The following VPS13B variants were observed in gnomAD, a reference collection of about 807,000 sequenced individuals.
VPS13B encodes the protein vacuolar protein sorting 13 homolog B.
In VPS13B, 285 loss-of-function variants were observed where a neutral mutation model predicts 426.4. That is an observed-to-expected ratio of 0.67 (90% CI 0.61 to 0.74). VPS13B has a LOEUF of 0.74. VPS13B is among the 30% of genes least tolerant of loss of function. The probability of loss-of-function intolerance (pLI) is 0.00; values close to 1 mark genes in which losing one functional copy is unlikely to be tolerated. For synonymous variants in VPS13B, 1,676 were observed against 1,676.4 expected, an observed-to-expected ratio of 1.00 and a Z score of 0.01; for missense variants, 4,537 against 4,782.6, an observed-to-expected ratio of 0.95 and a Z score of 1.51.
intron 19 of VPS13B, among the ~76,000 whole-genome samples, chr8:99,336,964 A>C (rs1030538809): frequency 1.6e-4 from 25 of 152,228 alleles, no homozygotes; most frequent in African/African-American, 5.8e-4. Context: ...GCGATTCCTC[A>C]GGGATCTAGA....
chr8:99,375,786 T>C (rs1414869813), intron 19 of VPS13B, among the ~76,000 whole-genome samples: 3 of 152,242 alleles, frequency 2.0e-5, no homozygotes, highest in Non-Finnish European at 4.4e-5. Context: ...ATTTCTTTAC[T>C]ATAGCTGCTT....
intron 33 of VPS13B, among the ~76,000 whole-genome samples, chr8:99,586,651 C>T (rs1032838121): frequency 6.6e-6 from 1 of 152,048 alleles, no homozygotes; most frequent in Non-Finnish European, 1.5e-5. Context: ...AACCCTAAAA[C>T]ACAGAGCAAT....
intron 19 of VPS13B, among the ~76,000 whole-genome samples, chr8:99,331,626 A>G (rs2133156012): frequency 6.6e-6 from 1 of 151,948 alleles, no homozygotes; most frequent in Non-Finnish European, 1.5e-5. Context: ...TGTTAACAAC[A>G]TATGAAATAT....
At chr8:99,522,911 G>T (rs1350300419) in intron 30 of VPS13B, among the ~76,000 whole-genome samples, 1 of 152,166 alleles carries the variant, frequency 6.6e-6, no homozygotes, top group Admixed American at 6.5e-5. Flanking sequence ...TTGAGTGAAT[G>T]ATCAGAGTGG....
At chr8:99,131,699 A>G (rs1185128761) in intron 8 of VPS13B, among the ~76,000 whole-genome samples, 1 of 152,234 alleles carries the variant, frequency 6.6e-6, no homozygotes, top group Non-Finnish European at 1.5e-5. Context: ...TCAGCAAGTC[A>G]TAACTTTTTG....
chr8:99,337,607 C>G (rs1389430653), intron 19 of VPS13B, among the ~76,000 whole-genome samples: 1 of 150,922 alleles, frequency 6.6e-6, no homozygotes, highest in Non-Finnish European at 1.5e-5. Context: ...GTAAGAGTTC[C>G]TTATATATTC....
At chr8:99,242,967 T>C (rs1345289802) in intron 17 of VPS13B, among the ~76,000 whole-genome samples, 2 of 152,224 alleles carry the variant, frequency 1.3e-5, no homozygotes, top group African/African-American at 4.8e-5. Flanking sequence ...TTTACTGTAA[T>C]TAAATTTCAG....
intron 36 of VPS13B, among the ~76,000 whole-genome samples, chr8:99,702,232 A>G (rs1053523982): frequency 1.3e-5 from 2 of 152,160 alleles, no homozygotes; most frequent in African/African-American, 4.8e-5. Context: ...TTCAACTGAA[A>G]TTTTTTATAC....
chr8:99,742,220 T>C (rs1218816366), intron 39 of VPS13B, among the ~76,000 whole-genome samples: 1 of 151,794 alleles, frequency 6.6e-6, no homozygotes, highest in African/African-American at 2.4e-5. Context: ...AACTAGAAAA[T>C]CTAGAAGAAA....
At position 99,259,788 on chromosome 8, in the gene VPS13B, A is replaced by T. The variant is rs376890717; in HGVS notation, c.2516-14410A>T. Among the ~76,000 whole-genome samples, 11 of 152,142 alleles carry T rather than the reference A, an allele frequency of 7.2e-5. No homozygotes were observed. The East Asian group carries it at 1.7e-3, about 24-fold the overall frequency. On this transcript the variant is annotated intron_variant, in intron 17 of 61. Transcript: ENST00000357162. ...AGTACAAGTATTTGCTGTGGCACAT[A>T]CCCTTACCTCTGGCAATGTATGTGA...
chr8:99,322,743 T>C (rs912169434), intron 19 of VPS13B, among the ~76,000 whole-genome samples: 1 of 152,218 alleles, frequency 6.6e-6, no homozygotes, highest in African/African-American at 2.4e-5. Context: ...GTTTTGTATC[T>C]GCATTTGTAA....
chr8:99,364,463 C>T (rs2133244858), intron 19 of VPS13B, among the ~76,000 whole-genome samples: 1 of 152,190 alleles, frequency 6.6e-6, no homozygotes, highest in African/African-American at 2.4e-5. Flanking sequence ...GACAAGGTCT[C>T]ACTCTGTCAC....
Position 99,720,323 on chromosome 8 carries a change from G to T in VPS13B, c.6658-22G>T, listed in dbSNP as rs1833084787. On this transcript the variant is annotated intron_variant, in intron 37 of 61. Coordinates refer to ENST00000357162, the MANE Select transcript of VPS13B (RefSeq NM_152564.5). ...AAATGTTTGTATTTAAAAGCTACTAGAATTTTTTTATGATTTTAAAGGTCT... is the reference window on the plus strand; with the variant it reads ...AAATGTTTGTATTTAAAAGCTACTATAATTTTTTTATGATTTTAAAGGTCT... 5 of 1,599,786 alleles carry T rather than the reference G, an allele frequency of 3.1e-6. No homozygotes were observed. The African/African-American group carries it at 5.4e-5, about 17-fold the overall frequency.
intron 3 of VPS13B, among the ~76,000 whole-genome samples, chr8:99,064,394 A>C (rs189568519): frequency 7.2e-5 from 11 of 152,342 alleles, no homozygotes; most frequent in South Asian, 6.2e-4. Flanking sequence ...TAGAATAAAC[A>C]GTATAGAGAA....
At chr8:99,125,148 A>G (rs1026885159) in intron 8 of VPS13B, among the ~76,000 whole-genome samples, 1 of 152,190 alleles carries the variant, frequency 6.6e-6, no homozygotes, top group African/African-American at 2.4e-5. Flanking sequence ...TAAGCCAGTG[A>G]TGGATCAGTC....
intron 17 of VPS13B, among the ~76,000 whole-genome samples, chr8:99,252,808 T>G (rs1261908651): frequency 6.6e-6 from 1 of 152,088 alleles, no homozygotes; most frequent in Non-Finnish European, 1.5e-5. Flanking sequence ...AATAACCAGT[T>G]TTTTTAAAAA....
chr8:99,725,861 GC>G (rs1291628653), intron 39 of VPS13B, among the ~76,000 whole-genome samples: 7 of 152,142 alleles, frequency 4.6e-5, no homozygotes, highest in Admixed American at 3.9e-4. Flanking sequence ...AGTCTGCCAA[GC>G]TTACCTGCTC....
At chr8:99,615,354 A>G (rs1828042691) in intron 33 of VPS13B, among the ~76,000 whole-genome samples, 1 of 152,152 alleles carries the variant, frequency 6.6e-6, no homozygotes, top group Non-Finnish European at 1.5e-5. Flanking sequence ...AAAGACAGCA[A>G]ATTCTGTGAT....
chr8:99,243,066 G>T (rs1182006223), intron 17 of VPS13B, among the ~76,000 whole-genome samples: 1 of 152,170 alleles, frequency 6.6e-6, no homozygotes, highest in Admixed American at 6.5e-5. Context: ...AATTCATGAG[G>T]AAAGTTTGAT....
Sources: allele counts gnomAD v4.1 joint callset (sites outside exome capture counted in the v4.1 genomes callset), GRCh38; gene constraint gnomAD v4.1.1; transcripts MANE v1.5; gene names NCBI Gene and HGNC (gene_info 2026-07-23, HGNC 2026-07-21).